The following ACSL1 variants were observed in gnomAD, a reference collection of about 807,000 sequenced individuals.
ACSL1 encodes the protein long-chain-fatty-acid--CoA ligase 1.
In ACSL1, 41 loss-of-function variants were observed where a neutral mutation model predicts 98.4. The ratio of observed to expected loss-of-function variants is 0.42; its 90% confidence interval spans 0.32 to 0.54. The LOEUF (loss-of-function observed/expected upper bound fraction) is 0.54. Ranked by LOEUF, ACSL1 falls within the 20% of genes least tolerant of loss-of-function variation. The pLI is 0.13. For missense variants in ACSL1, 734 were observed against 883.1 expected (o/e 0.83, Z 2.14); for synonymous variants, 316 against 322.7 (o/e 0.98, Z 0.22).
chr4:184,767,499 G>A (rs1763793906), intron 12 of ACSL1, among the ~76,000 whole-genome samples: 1 of 152,096 alleles, frequency 6.6e-6, no homozygotes, highest in Admixed American at 6.6e-5. Flanking sequence ...AGGGTGGAGG[G>A]GGTCGGGGAG....
At position 184,757,683 on chromosome 4, in the gene ACSL1, T is replaced by C. The variant is rs142379452; in HGVS notation, c.1908A>G (p.Glu636=). Residue 636 remains glutamate (E), a synonymous_variant, in exon 20 of 21, where the codon GAA becomes GAG. Transcript: ENST00000281455. The surrounding 1 kb of genome is among the most constrained non-coding windows in gnomAD (Gnocchi z 4.5). ...AATCCTTCCCAAGTCTCACCATATC[T>C]TCGAGGATAGCTTTTTTGACATCCT... ...RNKDVKKAIL[E]DMVRLGKDSG... 18 of 1,613,988 alleles carry C rather than the reference T, an allele frequency of 1.1e-5. No individual in the cohort carries two copies. Among genetic ancestry groups the C allele is most frequent in the Non-Finnish European group, 1.4e-5 (17 of 1,180,008 alleles).
At chr4:184,778,653 A>G (rs572472814) in intron 5 of ACSL1, among the ~76,000 whole-genome samples, 1 of 152,340 alleles carries the variant, frequency 6.6e-6, no homozygotes, top group East Asian at 1.9e-4. Context: ...GTGGTACCTC[A>G]GGAAGAGAGG....
chr4:184,764,949 T>C, intron 14 of ACSL1, 24 bp from the exon 15 acceptor site: 1 of 1,608,234 alleles, frequency 6.2e-7, no homozygotes, highest in Non-Finnish European at 8.5e-7. Context: ...AGATGCAACA[T>C]TATTAAGGAG....
At chr4:184,771,961 C>T (rs1354727347) in intron 10 of ACSL1, among the ~76,000 whole-genome samples, 2 of 152,130 alleles carry the variant, frequency 1.3e-5, no homozygotes, top group East Asian at 1.9e-4. Flanking sequence ...AATGAGAAAT[C>T]GGACTCCATT....
chr4:184,774,264 T>C (rs6828290), intron 7 of ACSL1, among the ~76,000 whole-genome samples: 152,014 of 152,322 alleles, frequency 1, 75,854 homozygotes, highest in Non-Finnish European at 1. Context: ...TGCAGATACT[T>C]CGTAGGTTCC....
chr4:184,783,264 G>A (rs1360766369), intron 4 of ACSL1, among the ~76,000 whole-genome samples: 1 of 152,226 alleles, frequency 6.6e-6, no homozygotes, highest in Non-Finnish European at 1.5e-5. Context: ...CCGTTGATGG[G>A]TGGGGACTAG....
At chr4:184,764,768 C>G in intron 15 of ACSL1, 85 bp downstream of exon 15, 2 of 1,190,996 alleles carry the variant, frequency 1.7e-6, no homozygotes, top group Non-Finnish European at 2.4e-6. Context: ...GTTAATGAAC[C>G]AGTCAGTGAT....
At chr4:184,823,318 A>C (rs549154153) in intron 1 of ACSL1, among the ~76,000 whole-genome samples, 1 of 152,356 alleles carries the variant, frequency 6.6e-6, no homozygotes, top group South Asian at 2.1e-4. Context: ...GCACTGCATC[A>C]TCCAAACAAG....
At chr4:184,807,613 G>C (rs537010661) in intron 1 of ACSL1, among the ~76,000 whole-genome samples, 1 of 152,232 alleles carries the variant, frequency 6.6e-6, no homozygotes, top group African/African-American at 2.4e-5. Context: ...CAGGCATAGC[G>C]AGGCAGGGTG....
intron 3 of ACSL1, among the ~76,000 whole-genome samples, chr4:184,785,488 T>C (rs1373684579): frequency 6.6e-6 from 1 of 151,956 alleles, no homozygotes; most frequent in East Asian, 1.9e-4. Context: ...GCTTCTATCA[T>C]TCAACAAACT....
chr4:184,785,533 T>A (rs902481826), intron 3 of ACSL1, among the ~76,000 whole-genome samples: 5 of 148,014 alleles, frequency 3.4e-5, no homozygotes, highest in Admixed American at 2.1e-4. Context: ...GTCTTGCTCT[T>A]TTGTTTCAGT....
intron 12 of ACSL1, among the ~76,000 whole-genome samples, chr4:184,767,642 G>C (rs1041244659): frequency 1.3e-5 from 2 of 152,200 alleles, no homozygotes; most frequent in Non-Finnish European, 2.9e-5. Context: ...AAATTATACA[G>C]AGTATTATAT....
intron 1 of ACSL1, among the ~76,000 whole-genome samples, chr4:184,813,144 T>C (rs1394580979): frequency 6.6e-6 from 1 of 152,196 alleles, no homozygotes; most frequent in Non-Finnish European, 1.5e-5. Flanking sequence ...AGTTAGGACA[T>C]GCCCCATGAC....
chr4:184,774,912 T>C (rs1253600177), intron 7 of ACSL1, among the ~76,000 whole-genome samples: 1 of 152,194 alleles, frequency 6.6e-6, no homozygotes, highest in African/African-American at 2.4e-5. Flanking sequence ...TTCTGTACAT[T>C]TTTTTCAAAA....
rs113114146 is a variant in ACSL1, at chr4:184,773,723, TAA to T, written c.790-11_790-10del. ...TCTTCAGGTGCTGGAGGCTAAAGAT[TAA>T]AAAAAAAAAAAGCTGGTATAAATCA... On this transcript the variant is annotated splice_polypyrimidine_tract_variant and intron_variant, in intron 8 of 20. Coordinates refer to ENST00000281455, the MANE Select transcript of ACSL1 (RefSeq NM_001995.5). The surrounding 1 kb of genome is among the most constrained non-coding windows in gnomAD (Gnocchi z 4.3). 5.4e-4 allele frequency: 755 copies of T among 1,397,044 alleles called. No homozygotes were observed. Among genetic ancestry groups the T allele is most frequent in the Admixed American group, 2.0e-3 (96 of 48,820 alleles). 86.5% of individuals were successfully genotyped at this position (1,397,044 alleles called of 1,614,324 possible).
intron 1 of ACSL1, chr4:184,808,481 A>C (rs555526979): frequency 8.5e-4 from 834 of 985,368 alleles, no homozygotes; most frequent in Non-Finnish European, 9.5e-4. Flanking sequence ...TGGCAAATTA[A>C]GAAAGCCTGA....
chr4:184,791,434 T>C (rs977323924), intron 2 of ACSL1, among the ~76,000 whole-genome samples: 1 of 152,188 alleles, frequency 6.6e-6, no homozygotes, highest in South Asian at 2.1e-4. Context: ...CTTCTCAAAG[T>C]GTGCTCTGCG....
intron 4 of ACSL1, 93 bp downstream of exon 4, chr4:184,783,834 A>G (rs1009310146): frequency 5.9e-6 from 7 of 1,187,422 alleles, no homozygotes; most frequent in Non-Finnish European, 8.7e-6. Context: ...CAGCACATAC[A>G]CTCTGGAGAA....
chr4:184,774,143 G>C (rs1156769098), intron 7 of ACSL1, among the ~76,000 whole-genome samples: 1 of 152,042 alleles, frequency 6.6e-6, no homozygotes, highest in African/African-American at 2.4e-5. Context: ...CTTTGAAATA[G>C]GATGTATTAA....
Sources: allele counts gnomAD v4.1 joint callset (sites outside exome capture counted in the v4.1 genomes callset), GRCh38; gene constraint gnomAD v4.1.1; non-coding constraint Gnocchi (gnomAD v3.1); transcripts MANE v1.5; gene names NCBI Gene and HGNC (gene_info 2026-07-23, HGNC 2026-07-21).